The following ZNF749 variants were observed in gnomAD, a reference collection of about 807,000 sequenced individuals.
The protein encoded by ZNF749 is zinc finger protein 749.
A neutral mutation model predicts 7.3 loss-of-function variants in ZNF749; 8 were observed. The observed-to-expected ratio is 1.10, with a 90% CI of 0.64 to 1.98. The LOEUF (loss-of-function observed/expected upper bound fraction) is 1.98, where lower values mean the gene tolerates loss of function less well. ZNF749 is among the 30% of genes most tolerant of loss of function. The pLI, the probability that ZNF749 is intolerant of heterozygous loss-of-function variation, is 0.00. For synonymous variants in ZNF749, 310 were observed against 322.4 expected, an observed-to-expected ratio of 0.96 and a Z score of 0.41; for missense variants, 898 against 932.4, an observed-to-expected ratio of 0.96 and a Z score of 0.48.
At position 57,444,947 on chromosome 19, in the gene ZNF749, T is replaced by A; in HGVS notation, c.1799T>A (p.Val600Asp). The change falls in exon 3 of 3, where the codon GTT (valine) becomes GAT (aspartate). Residue 600 changes from valine to aspartate, a missense_variant. By Grantham distance (152) the Val-to-Asp change is radical (BLOSUM62 -3). Transcript: ENST00000334181. ...TTCTTTTTGGACAGCTACAAACTTG[T>A]TATTCATCAGAGAATTCACACTGGA... ...GKFFLDSYKL[V>D]IHQRIHTGEK... 1 of 1,613,568 alleles carries A rather than the reference T, an allele frequency of 6.2e-7. No homozygotes were observed. The highest frequency in any genetic ancestry group is 2.2e-5 in the East Asian group (1 of 44,882).
Position 57,442,039 on chromosome 19 carries a change from C to A in ZNF749, c.142+28C>A. The A allele has an allele frequency of 6.2e-7, 1 of 1,606,628 alleles. No homozygotes were observed. Among genetic ancestry groups the A allele is most frequent in the South Asian group, 1.1e-5 (1 of 89,782 alleles). On this transcript the variant is annotated intron_variant, in intron 2 of 2. Transcript: ENST00000334181. The surrounding 1 kb of genome is among the most constrained non-coding windows in gnomAD (Gnocchi z 6.6). ...AAGGCCTTCATACCTACTCTGGTGTCTTGTGCTGGGTGCTGTTTTTTTGCT... is the reference window on the plus strand; with the variant it reads ...AAGGCCTTCATACCTACTCTGGTGTATTGTGCTGGGTGCTGTTTTTTTGCT...
Position 57,444,689 on chromosome 19 carries a change from C to T in ZNF749, c.1541C>T (p.Thr514Ile). ...ACTGGAGAACGGCCTTATGAATGCA[C>T]TCAATGTGCGAAGGCCTTTGTTAGA... ...IHTGERPYEC[T>I]QCAKAFVRKS... Residue 514 changes from threonine to isoleucine, a missense_variant, in exon 3 of 3, where the codon ACT becomes ATT. Thr to Ile is a moderately conservative substitution (Grantham distance 89). Transcript: ENST00000334181. 1 of 1,607,228 alleles carries T rather than the reference C, an allele frequency of 6.2e-7. No homozygotes were observed. Among genetic ancestry groups the T allele is most frequent in the Non-Finnish European group, 8.5e-7 (1 of 1,177,900 alleles).
chr19:57,432,279 TA>T (rs376998074), upstream of ZNF749, among the ~76,000 whole-genome samples: 383 of 140,626 alleles, frequency 2.7e-3, 1 homozygote, highest in African/African-American at 4.8e-3. Context: ...GGGAGCCAAT[TA>T]AAAAAAAAAA....
upstream of ZNF749, among the ~76,000 whole-genome samples, chr19:57,430,371 C>A (rs2088893681): frequency 6.6e-6 from 1 of 152,114 alleles, no homozygotes; most frequent in African/African-American, 2.4e-5. Flanking sequence ...GAGGGTGGAG[C>A]CCTCATGATC....
In ZNF749 at chr19:57,445,740, C is replaced by T. The variant is rs1242214955; in HGVS notation, c.*255C>T. On this transcript the variant is annotated 3_prime_UTR_variant, in exon 3 of 3. Coordinates refer to ENST00000334181, the MANE Select transcript of ZNF749 (RefSeq NM_001023561.4). ...GGTCAGGAGTTTGAGACCAGCCGGG[C>T]CAACATGGTGAAGCCCCATCTCTAC... 6.6e-6 allele frequency among the ~76,000 whole-genome samples: 1 copy of T among 152,068 alleles called. No individual in the cohort carries two copies. Among genetic ancestry groups the T allele is most frequent in the Non-Finnish European group, 1.5e-5 (1 of 68,026 alleles).
rs1374483703 is a variant in ZNF749 at position 57,435,543 on chromosome 19, C to G, written c.-36C>G. On this transcript the variant is annotated 5_prime_UTR_variant, in exon 1 of 3. Coordinates refer to ENST00000334181, the MANE Select transcript of ZNF749 (RefSeq NM_001023561.4). Reference sequence around the variant, plus strand: ...GTCCAGGTGACCGCCGTTCCCGCCCCGCTCTTCCCTGGGTGGACTGGAGGA... The same window carrying G: ...GTCCAGGTGACCGCCGTTCCCGCCCGGCTCTTCCCTGGGTGGACTGGAGGA... 4 of 1,597,838 alleles carry G rather than the reference C, an allele frequency of 2.5e-6. No individual in the cohort carries two copies. Among genetic ancestry groups the G allele is most frequent in the East Asian group, 2.3e-5 (1 of 44,328 alleles).
In ZNF749 at chr19:57,442,304, A is replaced by G. The variant is rs542793000; in HGVS notation, c.142+293A>G. Among the ~76,000 whole-genome samples, 1 of 152,152 alleles carries G rather than the reference A, an allele frequency of 6.6e-6. No homozygotes were observed. The highest frequency in any genetic ancestry group is 1.5e-5 in the Non-Finnish European group (1 of 67,996). On this transcript the variant is annotated intron_variant, in intron 2 of 2. Coordinates refer to ENST00000334181, the MANE Select transcript of ZNF749 (RefSeq NM_001023561.4). This position sits in a 1 kb window ranked among gnomAD's most constrained non-coding sequence, Gnocchi z 6.6. Reference sequence around the variant, plus strand: ...GGCGGTGCCTGTCCCTGGTTTGATTACTCTGTCCAAATGTGTGAAACCTCT... The same window carrying G: ...GGCGGTGCCTGTCCCTGGTTTGATTGCTCTGTCCAAATGTGTGAAACCTCT...
intron 1 of ZNF749, 48 bp from the exon 2 acceptor site, chr19:57,441,835 AAC>A (rs2088992791): frequency 6.2e-7 from 1 of 1,609,664 alleles, no homozygotes; most frequent in African/African-American, 1.3e-5. Context: ...GATCTAAGGA[AAC>A]ACAGAATAAG....
chr19:57,429,705 G>A, the ZNF749 span, among the ~76,000 whole-genome samples: 1 of 152,128 alleles, frequency 6.6e-6, no homozygotes, highest in African/African-American at 2.4e-5. The surrounding 1 kb of genome is among the most constrained non-coding windows in gnomAD (Gnocchi z 4.2). Flanking sequence ...CTGGAGTGGT[G>A]CAGTGGTGTA....
upstream of ZNF749, chr19:57,435,199 C>G (rs1271856371): frequency 8.4e-6 from 3 of 355,956 alleles, no homozygotes; most frequent in Non-Finnish European, 1.6e-5. Flanking sequence ...CCAGAAGACA[C>G]TGCGGGCGAC....
In ZNF749 at chr19:57,444,979, C is replaced by T. The variant is rs1568548130; in HGVS notation, c.1831C>T (p.Pro611Ser). Residue 611 changes from proline (P) to serine (S), a missense_variant, in exon 3 of 3, where the codon CCT (proline) becomes TCT (serine). Coordinates refer to ENST00000334181, the MANE Select transcript of ZNF749 (RefSeq NM_001023561.4). ...TCAGAGAATTCACACTGGAGAAAAG[C>T]CTTATAAATGCAGCAAATGTGGGAA... ...IHQRIHTGEK[P>S]YKCSKCGKFF... The T allele has an allele frequency of 6.2e-7, 1 of 1,614,092 alleles. No homozygotes were observed. Among genetic ancestry groups the T allele is most frequent in the Non-Finnish European group, 8.5e-7 (1 of 1,179,994 alleles).
rs765921454 is a variant in ZNF749 at position 57,444,484 on chromosome 19, G to A, written c.1336G>A (p.Ala446Thr). The change falls in exon 3 of 3, where the codon GCC becomes ACC. Residue 446 changes from alanine (A) to threonine (T), a missense_variant. By Grantham distance (58) the Ala-to-Thr change is moderately conservative. Transcript: ENST00000334181. ...TTATGAGTGCACTGAATGTGAGAAG[G>A]CCTTTGTTAGAAAGTCCCACCTAGT... ...RPYECTECEKAFVRKSHLVQH... is the reference protein window; with the variant it reads ...RPYECTECEKTFVRKSHLVQH... The A allele has an allele frequency of 6.2e-7, 1 of 1,613,708 alleles. No individual in the cohort carries two copies. The highest frequency in any genetic ancestry group is 1.7e-5 in the Admixed American group (1 of 59,992).
At chr19:57,438,317 A>G (rs992918989) in intron 1 of ZNF749, 3 of 357,906 alleles carry the variant, frequency 8.4e-6, no homozygotes, top group Non-Finnish European at 9.9e-6. Context: ...CTTGTGATCA[A>G]TTAAGCAGCT....
chr19:57,437,926 G>A (rs544579361), intron 1 of ZNF749: 57 of 394,862 alleles, frequency 1.4e-4, no homozygotes, highest in Non-Finnish European at 2.4e-4. Context: ...TGAGGCTTAG[G>A]GAGGTTCAGT....
chr19:57,429,486 A>T, the ZNF749 span, among the ~76,000 whole-genome samples: 30 of 151,848 alleles, frequency 2.0e-4, no homozygotes, highest in East Asian at 5.3e-3. The surrounding 1 kb of genome is among the most constrained non-coding windows in gnomAD (Gnocchi z 4.2). Context: ...CTTAGTTTTA[A>T]ATTATCTTTT....
Position 57,436,243 on chromosome 19 carries a change from G to A in ZNF749, c.15+650G>A, listed in dbSNP as rs2088935027. Among the ~76,000 whole-genome samples, 1 of 152,192 alleles carries A rather than the reference G, an allele frequency of 6.6e-6. No individual in the cohort carries two copies. The highest frequency in any genetic ancestry group is 2.1e-4 in the South Asian group (1 of 4,830). The stretch of plus-strand genomic sequence containing the variant: ...GTTTCAGACAGAAGATCCTGGGTTG[G>A]ATTTTGGGCGACATCACATGGGTAG... On this transcript the variant is annotated intron_variant, in intron 1 of 2. Coordinates refer to ENST00000334181, the MANE Select transcript of ZNF749 (RefSeq NM_001023561.4). This position sits in a 1 kb window ranked among gnomAD's most constrained non-coding sequence, Gnocchi z 4.0.
rs569357926 is a variant in ZNF749 at position 57,439,694 on chromosome 19, C to T, written c.16-2191C>T. On this transcript the variant is annotated intron_variant, in intron 1 of 2. Coordinates refer to ENST00000334181, the MANE Select transcript of ZNF749 (RefSeq NM_001023561.4). The surrounding 1 kb of genome is among the most constrained non-coding windows in gnomAD (Gnocchi z 4.3). The stretch of plus-strand genomic sequence containing the variant: ...GTCACCTGAGCCTGGGAAGTAAAGG[C>T]TGCAGTGAGCCATGATTGTGCCCCT... 1.3e-5 allele frequency among the ~76,000 whole-genome samples: 2 copies of T among 152,180 alleles called. No individual in the cohort carries two copies. Among genetic ancestry groups the T allele is most frequent in the African/African-American group, 4.8e-5 (2 of 41,516 alleles).
At chr19:57,441,306 G>C (rs1394412619) in intron 1 of ZNF749, among the ~76,000 whole-genome samples, 2 of 152,080 alleles carry the variant, frequency 1.3e-5, no homozygotes, top group Admixed American at 1.3e-4. Flanking sequence ...AGGCTAAGCA[G>C]GGGATGGATG....
chr19:57,435,254 G>GCGACACA (rs1444090142), upstream of ZNF749: 19 of 535,166 alleles, frequency 3.6e-5, no homozygotes, highest in East Asian at 1.3e-4. Context: ...GACACTGCGG[G>GCGACACA]GGCAGGGCAG....
Sources: allele counts gnomAD v4.1 joint callset (sites outside exome capture counted in the v4.1 genomes callset), GRCh38; gene constraint gnomAD v4.1.1; non-coding constraint Gnocchi (gnomAD v3.1); transcripts MANE v1.5; gene names NCBI Gene and HGNC (gene_info 2026-07-23, HGNC 2026-07-21).